Variants in PDE7A observed in about 807,000 individuals in gnomAD.
The protein encoded by PDE7A is high affinity 3',5'-cyclic-AMP phosphodiesterase 7A.
A neutral mutation model predicts 64.3 loss-of-function variants in PDE7A; 39 were observed. The ratio of observed to expected loss-of-function variants is 0.61; its 90% CI spans 0.47 to 0.79. The LOEUF is 0.79. Ranked by LOEUF, PDE7A falls within the 30% of genes least tolerant of loss-of-function variation. The probability of loss-of-function intolerance (pLI) is 0.00; values close to 1 mark genes in which losing one functional copy is unlikely to be tolerated. For synonymous variants in PDE7A, 203 were observed against 206.8 expected, an observed-to-expected ratio of 0.98 and a Z score of 0.16; for missense variants, 470 against 582.8, an observed-to-expected ratio of 0.81 and a Z score of 1.99.
At chr8:65,743,643 T>C (rs1003251612) in intron 5 of PDE7A, among the ~76,000 whole-genome samples, 10 of 152,210 alleles carry the variant, frequency 6.6e-5, no homozygotes, top group South Asian at 4.1e-4. Flanking sequence ...AAGACCCACA[T>C]TGATTCTCAA....
At chr8:65,730,669 T>C (rs1487447869) in intron 7 of PDE7A, among the ~76,000 whole-genome samples, 2 of 152,192 alleles carry the variant, frequency 1.3e-5, no homozygotes, top group African/African-American at 2.4e-5. Flanking sequence ...GGCTCATGCC[T>C]GTAATTCCAG....
chr8:65,840,612 T>C (rs935706728), intron 1 of PDE7A, among the ~76,000 whole-genome samples: 4 of 152,210 alleles, frequency 2.6e-5, no homozygotes, highest in African/African-American at 9.7e-5. Flanking sequence ...CTGTTTTAAG[T>C]CTGACAATCA....
At chr8:65,770,991 G>A in intron 3 of PDE7A, 2 of 336,926 alleles carry the variant, frequency 5.9e-6, no homozygotes, top group Non-Finnish European at 1.2e-5. Context: ...GAAGGCCTAT[G>A]GCAAATCCTA....
At chr8:65,800,328 T>C (rs1443346797) in intron 1 of PDE7A, among the ~76,000 whole-genome samples, 27 of 152,208 alleles carry the variant, frequency 1.8e-4, no homozygotes, top group African/African-American at 2.4e-5. Context: ...TAAACAAAGC[T>C]GCTCTTCCTT....
chr8:65,782,453 C>T (rs1416137246), intron 2 of PDE7A, among the ~76,000 whole-genome samples: 2 of 152,170 alleles, frequency 1.3e-5, no homozygotes, highest in Non-Finnish European at 2.9e-5. Flanking sequence ...CACCTTTGTC[C>T]ATGCTGGCAT....
At chr8:65,757,255 CTCCTGAGGCCTGA>C (rs1386302485) in intron 3 of PDE7A, among the ~76,000 whole-genome samples, 56 of 152,214 alleles carry the variant, frequency 3.7e-4, no homozygotes, top group African/African-American at 1.1e-3. Context: ...TTGAGGCCTG[CTCCTGAGGCCTGA>C]CACACTCAAC....
intron 3 of PDE7A, chr8:65,771,005 A>G: frequency 2.8e-6 from 1 of 355,064 alleles, no homozygotes; most frequent in South Asian, 2.2e-5. Context: ...AATCCTACTG[A>G]AGATAAATTT....
At chr8:65,784,734 A>G (rs1809501362) in intron 1 of PDE7A, among the ~76,000 whole-genome samples, 3 of 152,116 alleles carry the variant, frequency 2.0e-5, no homozygotes, top group South Asian at 2.1e-4. Context: ...CCACCAAAAA[A>G]AAAAATTTTA....
Position 65,800,271 on chromosome 8 carries a change from G to A in PDE7A, c.139-17428C>T, listed in dbSNP as rs544465831. 2.0e-5 allele frequency among the ~76,000 whole-genome samples: 3 copies of A among 152,230 alleles called. No individual in the cohort carries two copies. In the South Asian group the frequency reaches 6.2e-4, roughly 32 times the overall value. On this transcript the variant is annotated intron_variant, in intron 1 of 12. Transcript: ENST00000401827. ...TTTCTTCCTGCAGTGCTTGGAGAAA[G>A]TCACACCCCCTAGCCAGTTAACATT...
chr8:65,774,763 T>C (rs764923468), intron 3 of PDE7A, among the ~76,000 whole-genome samples: 4 of 152,000 alleles, frequency 2.6e-5, no homozygotes, highest in Non-Finnish European at 4.4e-5. Context: ...TAAATAACAT[T>C]TTTATTAAAA....
rs58421812 is a variant in PDE7A at position 65,815,029 on chromosome 8, T to C, written c.138+26342A>G. 7.7e-3 allele frequency among the ~76,000 whole-genome samples: 1,172 copies of C among 151,604 alleles called. 9 individuals carry two copies. The highest frequency in any genetic ancestry group is 0.026 in the African/African-American group (1,060 of 41,270). ...CCAGGAGGCAGAGGTTGCAGTGAGC[T>C]GAGATTGCGCCACTGTACTTCAGGC... On this transcript the variant is annotated intron_variant, in intron 1 of 12. Transcript: ENST00000401827.
At chr8:65,771,487 G>T (rs570303745) in intron 3 of PDE7A, among the ~76,000 whole-genome samples, 1 of 151,936 alleles carries the variant, frequency 6.6e-6, no homozygotes, top group Non-Finnish European at 1.5e-5. Flanking sequence ...TGTTGATATC[G>T]ATCTCCCTCT....
chr8:65,762,613 T>C (rs1585888690), intron 3 of PDE7A, among the ~76,000 whole-genome samples: 1 of 152,190 alleles, frequency 6.6e-6, no homozygotes, highest in South Asian at 2.1e-4. Context: ...TGAGATAATA[T>C]ATGCAGTATG....
chr8:65,768,081 T>C (rs1415855460), intron 3 of PDE7A, among the ~76,000 whole-genome samples: 4 of 152,134 alleles, frequency 2.6e-5, no homozygotes, highest in Non-Finnish European at 5.9e-5. Context: ...TGTCCACCGC[T>C]TGGTGTGTTG....
At position 65,812,405 on chromosome 8, in the gene PDE7A, T is replaced by A. The variant is rs367759641; in HGVS notation, c.138+28966A>T. ...TCCTTATACCACAATAAATTCCAGATGGAGCAAAGATCAAAACATGAAAAA... is the reference window on the plus strand; with the variant it reads ...TCCTTATACCACAATAAATTCCAGAAGGAGCAAAGATCAAAACATGAAAAA... On this transcript the variant is annotated intron_variant, in intron 1 of 12. Transcript: ENST00000401827. Among the ~76,000 whole-genome samples the A allele has an allele frequency of 8.5e-5, 13 of 152,144 alleles. No homozygotes were observed. The South Asian group carries it at 2.7e-3, about 32-fold the overall frequency.
In PDE7A at chr8:65,773,284, AC is replaced by A. The variant is rs1809164610; in HGVS notation, c.283+6435del. On this transcript the variant is annotated intron_variant, in intron 3 of 12. Coordinates refer to ENST00000401827, the MANE Select transcript of PDE7A (RefSeq NM_001242318.3). ...AATGCATTTTTCTCTATTAAAAAAA[AC>A]TCCTCTAAATTATATTACCATGGTG... Among the ~76,000 whole-genome samples, 4 of 152,150 alleles carry A rather than the reference AC, an allele frequency of 2.6e-5. No individual in the cohort carries two copies. The South Asian group carries it at 8.3e-4, about 32-fold the overall frequency.
chr8:65,841,222 G>C, intron 1 of PDE7A, 149 bp downstream of exon 1: 4 of 922,450 alleles, frequency 4.3e-6, no homozygotes, highest in Non-Finnish European at 5.9e-6. Context: ...AATATTCAAA[G>C]AAAAGGCTCT....
At chr8:65,838,769 T>TCTGCTGTCAACCTTTG (rs1241382326) in intron 1 of PDE7A, 1 of 152,240 alleles carries the variant, frequency 6.6e-6, no homozygotes, top group Non-Finnish European at 1.5e-5. Context: ...TTTTGGTGTG[T>TCTGCTGTCAACCTTTG]CTGCTGTCAA....
At chr8:65,798,820 T>C (rs1267248977) in intron 1 of PDE7A, among the ~76,000 whole-genome samples, 1 of 152,198 alleles carries the variant, frequency 6.6e-6, no homozygotes, top group Non-Finnish European at 1.5e-5. Context: ...GTTTTATTCC[T>C]AAAAGTCAAA....
Sources: allele counts gnomAD v4.1 joint callset (sites outside exome capture counted in the v4.1 genomes callset), GRCh38; gene constraint gnomAD v4.1.1; transcripts MANE v1.5; gene names NCBI Gene and HGNC (gene_info 2026-07-23, HGNC 2026-07-21).